The following DOCK5 variants were observed in gnomAD, a reference collection of about 807,000 sequenced individuals.
The protein encoded by DOCK5 is dedicator of cytokinesis protein 5.
A neutral mutation model predicts 251.8 loss-of-function variants in DOCK5; 142 were observed. The observed-to-expected ratio is 0.56, with a 90% CI of 0.49 to 0.65. DOCK5 has a LOEUF of 0.65. DOCK5 is among the 30% of genes least tolerant of loss of function. DOCK5 has a pLI of 0.00. For synonymous variants in DOCK5, 842 were observed against 835.5 expected, an observed-to-expected ratio of 1.01 and a Z score of -0.13; for missense variants, 2,111 against 2,312.3, an observed-to-expected ratio of 0.91 and a Z score of 1.79.
intron 33 of DOCK5, 117 bp from the exon 34 acceptor site, chr8:25,369,437 CCT>C (rs770093310): frequency 6.6e-6 from 5 of 752,060 alleles, no homozygotes; most frequent in Non-Finnish European, 1.1e-5. Flanking sequence ...TGTGATCCTC[CCT>C]GTCTGTGCTG....
At chr8:25,402,614 A>G (rs114405461) in intron 47 of DOCK5, among the ~76,000 whole-genome samples, 4,405 of 151,490 alleles carry the variant, frequency 0.029, 241 homozygotes, top group African/African-American at 0.1. Flanking sequence ...GCTAATTTTT[A>G]AAACTTTTTT....
chr8:25,358,840 A>T (rs1800624485), intron 27 of DOCK5, 123 bp from the exon 28 acceptor site: 2 of 783,298 alleles, frequency 2.6e-6, no homozygotes, highest in Non-Finnish European at 4.4e-6. Flanking sequence ...GCGTGTTTCC[A>T]GTGTGGTGGG....
At chr8:25,362,325 C>CA (rs1175286656) in intron 28 of DOCK5, among the ~76,000 whole-genome samples, 2 of 152,152 alleles carry the variant, frequency 1.3e-5, no homozygotes, top group Non-Finnish European at 2.9e-5. Flanking sequence ...GCATGAGATA[C>CA]ATTCTGACAA....
At chr8:25,255,930 C>G (rs1382812448) in intron 2 of DOCK5, among the ~76,000 whole-genome samples, 1 of 152,194 alleles carries the variant, frequency 6.6e-6, no homozygotes, top group Non-Finnish European at 1.5e-5. Flanking sequence ...TTCTGTTTCA[C>G]CCATGGAGTT....
At chr8:25,276,155 T>G (rs1804039585) in intron 4 of DOCK5, among the ~76,000 whole-genome samples, 1 of 152,118 alleles carries the variant, frequency 6.6e-6, no homozygotes, top group African/African-American at 2.4e-5. Flanking sequence ...GAGAGAGAGA[T>G]GATTAAGCAA....
At chr8:25,244,983 A>G (rs945245426) in intron 2 of DOCK5, among the ~76,000 whole-genome samples, 16 of 152,228 alleles carry the variant, frequency 1.1e-4, no homozygotes, top group African/African-American at 3.9e-4. Context: ...AAAGTCTCCA[A>G]GACACTAGGG....
intron 1 of DOCK5, among the ~76,000 whole-genome samples, chr8:25,200,534 T>C (rs4872296): frequency 1 from 152,353 of 152,360 alleles, 76,173 homozygotes; most frequent in Middle Eastern, 1. Flanking sequence ...GAGTCGTTTG[T>C]TTATCTATAC....
chr8:25,330,730 G>T (rs191993862), intron 18 of DOCK5, among the ~76,000 whole-genome samples: 1 of 152,156 alleles, frequency 6.6e-6, no homozygotes, highest in East Asian at 1.9e-4. Context: ...AAATACATGT[G>T]TAACTACTTA....
In DOCK5 at chr8:25,278,620, G is replaced by C. The variant is rs199674670; in HGVS notation, c.276G>C (p.Thr92=). The C allele has an allele frequency of 6.2e-7, 1 of 1,613,906 alleles. No individual in the cohort carries two copies. Among genetic ancestry groups the C allele is most frequent in the Non-Finnish European group, 8.5e-7 (1 of 1,179,870 alleles). The change falls in exon 5 of 52, where the codon ACG becomes ACC. Residue 92 remains threonine, a synonymous_variant. Coordinates refer to ENST00000276440, the MANE Select transcript of DOCK5 (RefSeq NM_024940.8). ...AGCTCCCCCTGGTGCAGGAGCTCAC[G>C]TCCACTCTGCGAGAATGGGCTGTCA... The part of the protein sequence containing the change: ...PGELPLVQEL[T]STLREWAVIW...
At chr8:25,212,160 CAAA>C (rs34369476) in intron 1 of DOCK5, among the ~76,000 whole-genome samples, 1 of 36,998 alleles carries the variant, frequency 2.7e-5, no homozygotes, top group Non-Finnish European at 8.7e-5. Flanking sequence ...GACTCCGTCT[CAAA>C]AAAAAAAAAA....
intron 36 of DOCK5, among the ~76,000 whole-genome samples, chr8:25,373,998 T>C (rs1307390863): frequency 6.6e-6 from 1 of 152,194 alleles, no homozygotes; most frequent in Admixed American, 6.5e-5. Flanking sequence ...GAAACAAACT[T>C]GTACGTAACC....
rs530804671 is a variant in DOCK5, at chr8:25,345,323, G to A, written c.2618-152G>A. 4.8e-5 allele frequency: 44 copies of A among 919,178 alleles called. No homozygotes were observed. In the Admixed American group the frequency reaches 9.5e-4, roughly 20 times the overall value. The allele number at this position is 919,178 out of a possible 1,614,324, so 56.9% of individuals were successfully genotyped here. ...TAAAGTTCCGTGCCTAAAACCAGGTGTTCCTGGGTGGCCTGGAGGGGCTGC... is the reference window on the plus strand; with the variant it reads ...TAAAGTTCCGTGCCTAAAACCAGGTATTCCTGGGTGGCCTGGAGGGGCTGC... On this transcript the variant is annotated intron_variant, in intron 25 of 51. Transcript: ENST00000276440.
At chr8:25,246,261 TTTG>T (rs944838780) in intron 2 of DOCK5, among the ~76,000 whole-genome samples, 2 of 151,956 alleles carry the variant, frequency 1.3e-5, no homozygotes, top group South Asian at 2.1e-4. Flanking sequence ...ATCCTTTCTT[TTTG>T]TTGTTGTTGT....
chr8:25,346,760 G>T (rs112520974), intron 26 of DOCK5, among the ~76,000 whole-genome samples: 1,327 of 97,976 alleles, frequency 0.014, 240 homozygotes, highest in African/African-American at 0.052. Flanking sequence ...GGAGGCGGAG[G>T]TTGCAGTGAG....
rs144314311 is a variant in DOCK5, at chr8:25,233,249, A to C, written c.44-10425A>C. ...TCACTCCCTGCATTGCCTGCTGTTC[A>C]GTGTCTGAAAACCAACGTGTCATGT... is the stretch of plus-strand genomic sequence containing the variant. On this transcript the variant is annotated intron_variant, in intron 1 of 51. Transcript: ENST00000276440. Among the ~76,000 whole-genome samples the C allele has an allele frequency of 2.6e-4, 39 of 152,262 alleles. No individual in the cohort carries two copies. In the East Asian group the frequency reaches 7.3e-3, roughly 29 times the overall value.
intron 26 of DOCK5, 130 bp from the exon 27 acceptor site, chr8:25,351,601 T>C (rs1157779011): frequency 1.6e-6 from 1 of 637,514 alleles, no homozygotes; most frequent in African/African-American, 1.8e-5. Context: ...TTTTCCACTT[T>C]TGGACAAGAG....
At chr8:25,290,947 G>T (rs1390182126) in intron 5 of DOCK5, among the ~76,000 whole-genome samples, 1 of 152,200 alleles carries the variant, frequency 6.6e-6, no homozygotes, top group East Asian at 1.9e-4. Context: ...GTCAGAAAAG[G>T]ATAGGGGTGG....
chr8:25,317,470 T>A (rs797014262), intron 14 of DOCK5: 50 of 188,578 alleles, frequency 2.7e-4, no homozygotes, highest in African/African-American at 1.1e-3. Flanking sequence ...AGGCTTGAGC[T>A]AAGTGGCCTG....
At chr8:25,332,208 G>A (rs773245862) in intron 18 of DOCK5, 43 bp from the exon 19 acceptor site, 2 of 1,490,144 alleles carry the variant, frequency 1.3e-6, no homozygotes, top group Non-Finnish European at 9.4e-7. Context: ...AATGGTCTGG[G>A]TTGTTCTCAC....
Sources: gnomAD v4.1 joint callset for allele counts (sites outside exome capture counted in the v4.1 genomes callset) on GRCh38, gnomAD v4.1.1 for gene constraint, MANE v1.5 for transcripts, NCBI Gene and HGNC (gene_info 2026-07-23, HGNC 2026-07-21) for gene names.